The following ACOT12 variants were observed in gnomAD, a reference collection of about 807,000 sequenced individuals.
ACOT12 encodes acyl-CoA thioesterase 12.
ACOT12 carries 51 observed loss-of-function variants against 67.7 expected under a neutral mutation model. The ratio of observed to expected loss-of-function variants is 0.75; its 90% CI spans 0.60 to 0.95. The LOEUF is 0.95. Ranked by LOEUF, ACOT12 falls within the 40% of genes least tolerant of loss-of-function variation. The probability of loss-of-function intolerance (pLI) is 0.00; values close to 1 mark genes in which losing one functional copy is unlikely to be tolerated. For missense variants in ACOT12, 734 were observed against 708.1 expected, an observed-to-expected ratio of 1.04 and a Z score of -0.41; for synonymous variants, 251 against 244.6, an observed-to-expected ratio of 1.03 and a Z score of -0.24.
At chr5:81,386,995 ATT>A (rs869281800) in intron 1 of ACOT12, among the ~76,000 whole-genome samples, 9 of 81,332 alleles carry the variant, frequency 1.1e-4, no homozygotes, top group East Asian at 5.9e-4. Context: ...GATGAGTTCC[ATT>A]TTTTTTTTTT....
chr5:81,367,215 T>C (rs1760106862), intron 3 of ACOT12, among the ~76,000 whole-genome samples: 1 of 152,108 alleles, frequency 6.6e-6, no homozygotes, highest in African/African-American at 2.4e-5. Context: ...AAAATGACAC[T>C]AGGGAGACAT....
At chr5:81,343,985 A>G in intron 9 of ACOT12, 104 bp from the exon 10 acceptor site, 1 of 1,252,024 alleles carries the variant, frequency 8.0e-7, no homozygotes, top group Non-Finnish European at 1.1e-6. Context: ...CATGGATATC[A>G]GTGGAACAAC....
the ACOT12 span, chr5:81,311,344 C>T: frequency 4.7e-6 from 7 of 1,499,684 alleles, no homozygotes; most frequent in South Asian, 2.3e-5. Flanking sequence ...TTATTCTGCA[C>T]TTGTTATTAA....
chr5:81,378,869 T>C (rs1347264197), intron 2 of ACOT12, among the ~76,000 whole-genome samples: 1 of 152,210 alleles, frequency 6.6e-6, no homozygotes, highest in Non-Finnish European at 1.5e-5. Context: ...ATAACGCTTT[T>C]ACATTGTTGG....
downstream of ACOT12, among the ~76,000 whole-genome samples, chr5:81,326,925 A>C (rs964444191): frequency 6.6e-6 from 1 of 152,196 alleles, no homozygotes; most frequent in African/African-American, 2.4e-5. Context: ...GGGGAAATAA[A>C]TTATGAGCAA....
chr5:81,322,490 T>C, the ACOT12 span, among the ~76,000 whole-genome samples: 1 of 148,082 alleles, frequency 6.8e-6, no homozygotes, highest in Non-Finnish European at 1.5e-5. Context: ...CCCACATACA[T>C]GTTAGATAAT....
chr5:81,315,324 C>G, the ACOT12 span, among the ~76,000 whole-genome samples: 1 of 152,146 alleles, frequency 6.6e-6, no homozygotes, highest in Non-Finnish European at 1.5e-5. Flanking sequence ...CATGGCCAGC[C>G]CCCCATCCCT....
intron 3 of ACOT12, among the ~76,000 whole-genome samples, chr5:81,365,374 T>C (rs1250266688): frequency 6.6e-6 from 1 of 152,216 alleles, no homozygotes; most frequent in Non-Finnish European, 1.5e-5. Context: ...ATTAACTAGA[T>C]GATGATTAGC....
chr5:81,371,909 C>T (rs1760266633), intron 2 of ACOT12, 99 bp from the exon 3 acceptor site: 8 of 969,128 alleles, frequency 8.3e-6, no homozygotes, highest in Middle Eastern at 2.1e-4. Flanking sequence ...AGCAGTTCCA[C>T]CTTATCATGC....
intron 5 of ACOT12, among the ~76,000 whole-genome samples, chr5:81,358,615 C>T (rs1489325177): frequency 4.6e-5 from 7 of 152,102 alleles, no homozygotes; most frequent in African/African-American, 1.4e-4. Flanking sequence ...TTTGGGAGGC[C>T]GAGGCAGGCG....
the ACOT12 span, chr5:81,308,899 C>G: frequency 1.3e-6 from 2 of 1,506,886 alleles, no homozygotes; most frequent in Non-Finnish European, 1.8e-6. Flanking sequence ...AATTTTATGA[C>G]TTGCCATATG....
At chr5:81,392,802 A>G (rs1373985877) in intron 1 of ACOT12, among the ~76,000 whole-genome samples, 1 of 151,578 alleles carries the variant, frequency 6.6e-6, no homozygotes, top group Non-Finnish European at 1.5e-5. Flanking sequence ...TTGTGGAGGC[A>G]GGGAAGTTCC....
the ACOT12 span, among the ~76,000 whole-genome samples, chr5:81,319,715 CAAA>C: frequency 4.3e-5 from 5 of 117,118 alleles, no homozygotes; most frequent in East Asian, 2.5e-4. Context: ...GAAACTGTCT[CAAA>C]AAAAAAAAAA....
chr5:81,367,622 T>C (rs1452499423), intron 3 of ACOT12, among the ~76,000 whole-genome samples: 1 of 152,060 alleles, frequency 6.6e-6, no homozygotes, highest in Non-Finnish European at 1.5e-5. Context: ...AAAATTACTC[T>C]GCTCTAAAAA....
At chr5:81,379,085 GC>G (rs1760502265) in intron 2 of ACOT12, among the ~76,000 whole-genome samples, 1 of 152,156 alleles carries the variant, frequency 6.6e-6, no homozygotes, top group African/African-American at 2.4e-5. Context: ...CAACCCAAAT[GC>G]CCATCAATGA....
chr5:81,330,404 CT>C lies in ACOT12; in HGVS notation c.1657del (p.Ser553AlafsTer18), dbSNP rs766461929. 2 of 1,612,012 alleles carry C rather than the reference CT, an allele frequency of 1.2e-6. No individual in the cohort carries two copies. Among genetic ancestry groups the C allele is most frequent in the Non-Finnish European group, 1.7e-6 (2 of 1,179,038 alleles). On this transcript the variant is annotated frameshift_variant, in exon 15 of 15. Transcript: ENST00000307624. LOFTEE classifies it high-confidence loss of function. ...ATTGAAAGTTGACCTTTAAAATGTG[CT>C]TACAAACCCATCATCAGGAGGATTC... ...LENPPDDGFV[S>X]TF
At chr5:81,343,453 A>T (rs547321770) in intron 10 of ACOT12, among the ~76,000 whole-genome samples, 4 of 152,332 alleles carry the variant, frequency 2.6e-5, no homozygotes, top group Non-Finnish European at 4.4e-5. Flanking sequence ...TTCTCTTTAC[A>T]TTTAATGGTT....
At chr5:81,358,853 GAA>G (rs10617260) in intron 5 of ACOT12, among the ~76,000 whole-genome samples, 26,611 of 143,090 alleles carry the variant, frequency 0.19, 2,495 homozygotes, top group African/African-American at 0.22. Flanking sequence ...CTGTCTCAAA[GAA>G]AAAAAAAAAA....
chr5:81,323,083 G>GAAAAAAAAAAAAAAAAAAAAAAAAAAAA, the ACOT12 span, among the ~76,000 whole-genome samples: 1 of 104,070 alleles, frequency 9.6e-6, no homozygotes, highest in Non-Finnish European at 2.1e-5. Flanking sequence ...ATAGCAAAAA[G>GAAAAAAAAAAAAAAAAAAAAAAAAAAAA]AAAAAAAAAA....
Sources: allele counts gnomAD v4.1 joint callset (sites outside exome capture counted in the v4.1 genomes callset), GRCh38; gene constraint gnomAD v4.1.1; transcripts MANE v1.5; gene names NCBI Gene and HGNC (gene_info 2026-07-23, HGNC 2026-07-21).